SENP3: variants seen among roughly 807,000 people sequenced by gnomAD.
The protein encoded by SENP3 is sentrin-specific protease 3.
Under a neutral mutation model 66.2 loss-of-function variants are expected in SENP3, and 11 were observed. The observed-to-expected ratio is 0.17, with a 90% CI of 0.10 to 0.28. SENP3 has a LOEUF of 0.28. Among genes scored for constraint, SENP3 ranks in the 10% least tolerant of loss-of-function variants. The pLI is 1.00. For missense variants in SENP3, 548 were observed against 743.7 expected (o/e 0.74, Z 3.06); for synonymous variants, 292 against 277.6 (o/e 1.05, Z -0.52).
At position 7,570,326 on chromosome 17, in the gene SENP3, T is replaced by G; in HGVS notation, c.1342-30T>G. ...GGCAAAAGGCAAGACTTCTGTTTGT[T>G]GTACCTGACCTGTGGCACTATCTCT... On this transcript the variant is annotated intron_variant, in intron 7 of 10. Coordinates refer to ENST00000321337, the MANE Select transcript of SENP3 (RefSeq NM_015670.6). The surrounding 1 kb of genome is among the most constrained non-coding windows in gnomAD (Gnocchi z 5.4). 6.2e-7 allele frequency: 1 copy of G among 1,601,792 alleles called. No homozygotes were observed. Among genetic ancestry groups the G allele is most frequent in the Non-Finnish European group, 8.5e-7 (1 of 1,169,860 alleles).
At position 7,562,780 on chromosome 17, in the gene SENP3, C is replaced by T. The variant is rs2071230295; in HGVS notation, c.-11-286C>T. On this transcript the variant is annotated intron_variant, in intron 1 of 10. Transcript: ENST00000321337. The surrounding 1 kb of genome is among the most constrained non-coding windows in gnomAD (Gnocchi z 5.0). ...TGGTATTAAAATAAAGACGTAGAAC[C>T]TGGCAGTGCTATTGGGTTTGGCCTG... Among the ~76,000 whole-genome samples the T allele has an allele frequency of 1.3e-5, 2 of 152,170 alleles. No individual in the cohort carries two copies. The highest frequency in any genetic ancestry group is 6.5e-5 in the Admixed American group (1 of 15,276).
intron 3 of SENP3, 43 bp from the exon 4 acceptor site, chr17:7,564,914 GGA>G (rs1294523394): frequency 6.2e-7 from 1 of 1,607,438 alleles, no homozygotes; most frequent in East Asian, 2.2e-5. Context: ...GACTCCTAGA[GGA>G]GAGTCTGGAG....
chr17:7,570,526 G>A lies in SENP3; in HGVS notation c.1479+33G>A, dbSNP rs774485442. 1.9e-6 allele frequency: 3 copies of A among 1,602,074 alleles called. No homozygotes were observed. The highest frequency in any genetic ancestry group is 2.2e-5 in the South Asian group (2 of 90,332). The stretch of plus-strand genomic sequence containing the variant: ...GGGGTAGGAGAGAGATGGGCAAAAT[G>A]TGGGGCGGTGCAGTGGCAAGGCATT... On this transcript the variant is annotated intron_variant, in intron 8 of 10. Transcript: ENST00000321337. The surrounding 1 kb of genome is among the most constrained non-coding windows in gnomAD (Gnocchi z 5.4).
chr17:7,565,700 T>G lies in SENP3; in HGVS notation c.1216-17T>G. ...GCCGCACCCTCCATGGCAAGCTGCCTCCCATCTTCTCCCCAGGTGATGAAC... is the reference window on the plus strand; with the variant it reads ...GCCGCACCCTCCATGGCAAGCTGCCGCCCATCTTCTCCCCAGGTGATGAAC... On this transcript the variant is annotated splice_polypyrimidine_tract_variant and intron_variant, in intron 5 of 10. Coordinates refer to ENST00000321337, the MANE Select transcript of SENP3 (RefSeq NM_015670.6). The G allele has an allele frequency of 6.2e-7, 1 of 1,613,938 alleles. No homozygotes were observed. The highest frequency in any genetic ancestry group is 1.1e-5 in the South Asian group (1 of 91,082).
intron 1 of SENP3, 47 bp from the exon 2 acceptor site, chr17:7,563,019 G>A: frequency 3.6e-6 from 5 of 1,405,634 alleles, no homozygotes; most frequent in Non-Finnish European, 3.7e-6. Context: ...CAGGATCTGC[G>A]GTGGGGTGAT....
intron 6 of SENP3, among the ~76,000 whole-genome samples, chr17:7,566,272 C>T (rs996988148): frequency 1.3e-5 from 2 of 149,932 alleles, no homozygotes; most frequent in Non-Finnish European, 3.0e-5. Flanking sequence ...ACCCGTGAGG[C>T]GGAGGTTGCG....
At chr17:7,566,047 AAAAG>A (rs1221153799) in intron 6 of SENP3, 8 of 311,996 alleles carry the variant, frequency 2.6e-5, no homozygotes, top group East Asian at 1.1e-4. Context: ...AAAAAAAAGA[AAAAG>A]AAAAAGGCCA....
intron 1 of SENP3, 35 bp from the exon 2 acceptor site, chr17:7,563,031 C>G: frequency 7.0e-7 from 1 of 1,425,062 alleles, no homozygotes; most frequent in East Asian, 2.6e-5. Context: ...TGGGGTGATG[C>G]TTAGATTTTG....
Position 7,563,567 on chromosome 17 carries a change from C to T in SENP3, c.491C>T (p.Pro164Leu). Residue 164 changes from proline to leucine, a missense_variant, in exon 2 of 11, where the codon CCC (proline) becomes CTC (leucine). By Grantham distance (98) the Pro-to-Leu change is moderately conservative (BLOSUM62 -3). Transcript: ENST00000321337. The part of the protein sequence containing the change: ...HRGRRRGLAH[P>L]KNHLSPQQGG... ...GGCCGGCGGCGGGGCCTCGCACACC[C>T]CAAGAACCATCTTTCACCCCAGCAA... The T allele has an allele frequency of 6.4e-7, 1 of 1,553,160 alleles. No homozygotes were observed. Among genetic ancestry groups the T allele is most frequent in the Non-Finnish European group, 8.7e-7 (1 of 1,149,792 alleles).
chr17:7,565,160 T>C lies in SENP3; in HGVS notation c.1067+90T>C. The C allele has an allele frequency of 5.7e-6, 6 of 1,049,780 alleles. No homozygotes were observed. The South Asian group carries it at 7.1e-5, about 12-fold the overall frequency. The allele number at this position is 1,049,780 out of a possible 1,614,324, so 65.0% of individuals were successfully genotyped here. ...TGCCTTTTCTTCCATAGGGCTGTAG[T>C]TGGGGAGGAGGAAGCTAGAGCTGAA... On this transcript the variant is annotated intron_variant, in intron 4 of 10. Coordinates refer to ENST00000321337, the MANE Select transcript of SENP3 (RefSeq NM_015670.6).
At chr17:7,566,500 A>G (rs2071269835) in intron 6 of SENP3, among the ~76,000 whole-genome samples, 2 of 151,546 alleles carry the variant, frequency 1.3e-5, no homozygotes, top group Admixed American at 6.6e-5. Flanking sequence ...AACTAAAAAT[A>G]TAAAAATACA....
In SENP3 at chr17:7,571,881, AT is replaced by A. The variant is rs1567731455; in HGVS notation, c.*399del. On this transcript the variant is annotated 3_prime_UTR_variant, in exon 11 of 11. Transcript: ENST00000321337. The stretch of plus-strand genomic sequence containing the variant: ...TATATATATATATATATATATATAT[AT>A]ATATATATATATATATATATATATA... 46 of 12,852 alleles carry A rather than the reference AT, an allele frequency of 3.6e-3. 4 individuals carry two copies. Among genetic ancestry groups the A allele is most frequent in the South Asian group, 9.5e-3 (4 of 420 alleles). The allele number at this position is 12,852 out of a possible 1,614,324, so 0.8% of individuals were successfully genotyped here.
intron 5 of SENP3, 62 bp from the exon 6 acceptor site, chr17:7,565,655 T>C (rs1567728973): frequency 2.4e-5 from 38 of 1,612,792 alleles, no homozygotes; most frequent in Non-Finnish European, 3.1e-5. Flanking sequence ...GCCCTCTGCA[T>C]GGGGGAGCCC....
chr17:7,567,892 C>T (rs1214571070), intron 7 of SENP3, among the ~76,000 whole-genome samples: 1 of 151,950 alleles, frequency 6.6e-6, no homozygotes, highest in Non-Finnish European at 1.5e-5. Flanking sequence ...GTTTCAATGA[C>T]AGATTGAAAG....
At position 7,563,373 on chromosome 17, in the gene SENP3, C is replaced by T. The variant is rs2071238572; in HGVS notation, c.297C>T (p.Pro99=). Reference sequence around the variant, plus strand: ...AGGAAGTGGCAGCTTGGAGGCTGCCCCCAAGATGGAGTCAGCTGGGAACCT... The same window carrying T: ...AGGAAGTGGCAGCTTGGAGGCTGCCTCCAAGATGGAGTCAGCTGGGAACCT... The part of the protein sequence containing the change: ...EEEEVAAWRL[P]PRWSQLGTSQ... The change falls in exon 2 of 11, where the codon CCC becomes CCT. Residue 99 remains proline, a synonymous_variant. Transcript: ENST00000321337. 1.3e-6 allele frequency: 2 copies of T among 1,551,198 alleles called. No homozygotes were observed. Among genetic ancestry groups the T allele is most frequent in the Non-Finnish European group, 1.7e-6 (2 of 1,147,022 alleles).
chr17:7,562,248 G>C lies in SENP3; in HGVS notation c.-27G>C, dbSNP rs960347555. The C allele has an allele frequency of 5.0e-6, 2 of 398,418 alleles. No homozygotes were observed. The highest frequency in any genetic ancestry group is 8.9e-6 in the Non-Finnish European group (2 of 225,872). 24.7% of individuals were successfully genotyped at this position (398,418 alleles called of 1,614,324 possible). A position where few individuals can be genotyped will look rare whatever the true frequency, so the allele number is the denominator to read the frequency against. On this transcript the variant is annotated 5_prime_UTR_variant, in exon 1 of 11. Transcript: ENST00000321337. The surrounding 1 kb of genome is among the most constrained non-coding windows in gnomAD (Gnocchi z 5.0). Reference sequence around the variant, plus strand: ...CGCCCGCCTTCGGGCCCGTCCGCCCGGCTTCCCCGCTCCCGGTGAGGACGC... The same window carrying C: ...CGCCCGCCTTCGGGCCCGTCCGCCCCGCTTCCCCGCTCCCGGTGAGGACGC...
Position 7,564,983 on chromosome 17 carries a change from C to A in SENP3, c.980C>A (p.Thr327Lys). 6.2e-7 allele frequency: 1 copy of A among 1,613,424 alleles called. No individual in the cohort carries two copies. The highest frequency in any genetic ancestry group is 8.5e-7 in the Non-Finnish European group (1 of 1,179,404). ...VQSILDEFLQ[T>K]YGSLIPLSTD... is the part of the protein sequence containing the mutation. ...GGCATCTTGGACGAATTCCTTCAAA[C>A]GTATGGCAGCCTCATACCCCTCAGC... Residue 327 changes from threonine (T) to lysine (K), a missense_variant, in exon 4 of 11, where the codon ACG becomes AAG. This residue lies in a region of SENP3 where 215 missense variants were observed against 230.7 expected (regional missense o/e 0.93). Coordinates refer to ENST00000321337, the MANE Select transcript of SENP3 (RefSeq NM_015670.6).
chr17:7,568,632 T>TAG (rs1334681553), intron 7 of SENP3, among the ~76,000 whole-genome samples: 1 of 152,070 alleles, frequency 6.6e-6, no homozygotes, highest in Non-Finnish European at 1.5e-5. Flanking sequence ...GGAGACATTC[T>TAG]AGATAGCTGA....
At position 7,563,727 on chromosome 17, in the gene SENP3, T is replaced by A. The variant is rs1229600649; in HGVS notation, c.651T>A (p.Ser217=). The A allele has an allele frequency of 6.3e-7, 1 of 1,598,512 alleles. No individual in the cohort carries two copies. Among genetic ancestry groups the A allele is most frequent in the Non-Finnish European group, 8.5e-7 (1 of 1,172,102 alleles). ...TGAGAGGGTCTCCACCAGTGCCCTC[T>A]GGGCCCCCCATGGAGGAAGATGGAC... ...DGVRGSPPVP[S]GPPMEEDGLR... is the part of the protein sequence containing the mutation. Residue 217 remains serine (S), a synonymous_variant, in exon 2 of 11, where the codon TCT becomes TCA. Transcript: ENST00000321337.
Sources: gnomAD v4.1 joint callset for allele counts (sites outside exome capture counted in the v4.1 genomes callset) on GRCh38, gnomAD v4.1.1 for gene constraint, gnomAD v4.1.1 regional missense constraint, Gnocchi (gnomAD v3.1) non-coding constraint, MANE v1.5 for transcripts, NCBI Gene and HGNC (gene_info 2026-07-23, HGNC 2026-07-21) for gene names.